MYRFL: variants seen among roughly 807,000 people sequenced by gnomAD.
The protein encoded by MYRFL is myelin regulatory factor like.
A neutral mutation model predicts 109.4 loss-of-function variants in MYRFL; 88 were observed. The observed-to-expected ratio is 0.80, with a 90% confidence interval of 0.68 to 0.96. MYRFL has a LOEUF of 0.96. Among genes scored for constraint, MYRFL ranks in the 40% least tolerant of loss-of-function variants. MYRFL has a pLI of 0.00. For synonymous variants in MYRFL, 324 were observed against 320.9 expected (o/e 1.01, Z -0.10); for missense variants, 957 against 954.9 (o/e 1.00, Z -0.03).
At chr12:69,947,265 C>A (rs1955862271) in intron 19 of MYRFL, among the ~76,000 whole-genome samples, 1 of 152,102 alleles carries the variant, frequency 6.6e-6, no homozygotes, top group Non-Finnish European at 1.5e-5. Flanking sequence ...GTTTACTAAA[C>A]CCCTAAACAC....
intron 16 of MYRFL, among the ~76,000 whole-genome samples, chr12:69,935,150 A>C (rs1240543194): frequency 6.6e-6 from 1 of 152,120 alleles, no homozygotes; most frequent in East Asian, 1.9e-4. Context: ...GCTGCTGAGA[A>C]CACTTTGGGA....
chr12:69,896,127 G>C (rs1283472593), intron 9 of MYRFL, among the ~76,000 whole-genome samples: 1 of 152,154 alleles, frequency 6.6e-6, no homozygotes, highest in Non-Finnish European at 1.5e-5. Context: ...TTGACTATTT[G>C]ATACTGGCAT....
chr12:69,885,898 TG>T lies in MYRFL; in HGVS notation c.557-921del, dbSNP rs147801804. On this transcript the variant is annotated intron_variant, in intron 5 of 24. Transcript: ENST00000552032. ...TCTCTCTGCTTGTGTAATGCTGTAATGTGTAAAGATGGCAGGATACATGTTT... is the reference window on the plus strand; with the variant it reads ...TCTCTCTGCTTGTGTAATGCTGTAATTGTAAAGATGGCAGGATACATGTTT... Among the ~76,000 whole-genome samples, 724 of 152,208 alleles carry T rather than the reference TG, an allele frequency of 4.8e-3. 5 individuals are homozygous for T. Among genetic ancestry groups the T allele is most frequent in the African/African-American group, 0.016 (679 of 41,526 alleles).
Position 69,910,865 on chromosome 12 carries a change from A to G in MYRFL, c.1537A>G (p.Arg513Gly). ...EVQEILPRAV[R>G]EVGDVTCGNG... ...GCAAGAAATCCTGCCCAGAGCAGTAAGAGAGGTTGGTGATGTCACCTGCGG... is the reference window on the plus strand; with the variant it reads ...GCAAGAAATCCTGCCCAGAGCAGTAGGAGAGGTTGGTGATGTCACCTGCGG... The change falls in exon 13 of 25, where the codon AGA (arginine) becomes GGA (glycine). Residue 513 changes from arginine (R) to glycine (G), a missense_variant. Coordinates refer to ENST00000552032, the MANE Select transcript of MYRFL (RefSeq NM_182530.3). 1 of 1,535,368 alleles carries G rather than the reference A, an allele frequency of 6.5e-7. No individual in the cohort carries two copies.
At chr12:69,897,699 A>G (rs1463759976) in intron 10 of MYRFL, among the ~76,000 whole-genome samples, 2 of 152,238 alleles carry the variant, frequency 1.3e-5, no homozygotes, top group African/African-American at 4.8e-5. Flanking sequence ...GAGGCTTAAG[A>G]GACTAAGTAA....
chr12:69,871,624 TGG>T (rs1885362288), intron 2 of MYRFL, among the ~76,000 whole-genome samples: 1 of 152,220 alleles, frequency 6.6e-6, no homozygotes, highest in South Asian at 2.1e-4. Context: ...TATAATCTTC[TGG>T]GAAGATTTAA....
intron 19 of MYRFL, among the ~76,000 whole-genome samples, 161 bp from the exon 20 acceptor site, chr12:69,951,952 T>G (rs1257251479): frequency 6.6e-6 from 1 of 152,148 alleles, no homozygotes; most frequent in Non-Finnish European, 1.5e-5. Context: ...GAGAATAAAC[T>G]AGATCTATAA....
chr12:69,910,832 C>A lies in MYRFL; in HGVS notation c.1504C>A (p.Gln502Lys). The change falls in exon 13 of 25, where the codon CAG becomes AAG. Residue 502 changes from glutamine (Q) to lysine (K), a missense_variant. Transcript: ENST00000552032. ...NTAHQTGMIA[Q>K]EVQEILPRAV... is the part of the protein sequence containing the mutation. ...TGTTTTGTATACAGGAATGATTGCC[C>A]AGGAGGTGCAAGAAATCCTGCCCAG... is the stretch of plus-strand genomic sequence containing the variant. 1 of 1,534,534 alleles carries A rather than the reference C, an allele frequency of 6.5e-7. No individual in the cohort carries two copies. The highest frequency in any genetic ancestry group is 1.2e-5 in the South Asian group (1 of 84,008).
Position 69,895,323 on chromosome 12 carries a change from G to A in MYRFL, c.981-48G>A. On this transcript the variant is annotated intron_variant, in intron 8 of 24. Coordinates refer to ENST00000552032, the MANE Select transcript of MYRFL (RefSeq NM_182530.3). ...TGGATTAGATATGATCAGAGATTTG[G>A]TGTTCTCTTATAGTCTCTTGGTTTT... 2.3e-6 allele frequency: 3 copies of A among 1,317,264 alleles called. No homozygotes were observed. The South Asian group carries it at 3.9e-5, about 17-fold the overall frequency. 81.6% of individuals were successfully genotyped at this position (1,317,264 alleles called of 1,614,324 possible).
chr12:69,875,938 A>G (rs1053714208), intron 2 of MYRFL, among the ~76,000 whole-genome samples: 5 of 152,174 alleles, frequency 3.3e-5, no homozygotes, highest in African/African-American at 7.2e-5. Context: ...TTAGTAGTCA[A>G]TCACTTTGCT....
chr12:69,892,253 G>C (rs557267754), intron 7 of MYRFL, among the ~76,000 whole-genome samples: 5 of 152,206 alleles, frequency 3.3e-5, no homozygotes, highest in Non-Finnish European at 7.4e-5. Context: ...GGCCAATAAG[G>C]TTACACAATT....
At chr12:69,901,322 G>A (rs182301980) in intron 10 of MYRFL, among the ~76,000 whole-genome samples, 9 of 152,328 alleles carry the variant, frequency 5.9e-5, no homozygotes, top group Non-Finnish European at 1.3e-4. Flanking sequence ...CATGAAGGTT[G>A]TGGATTCCAG....
At chr12:69,939,908 G>A (rs1292252756) in intron 19 of MYRFL, among the ~76,000 whole-genome samples, 15 of 150,218 alleles carry the variant, frequency 1.0e-4, no homozygotes, top group East Asian at 2.0e-4. Context: ...AGAAGCCTCA[G>A]GAGCCGATGC....
At chr12:69,895,585 C>A in intron 9 of MYRFL, 104 bp downstream of exon 9, 2 of 798,168 alleles carry the variant, frequency 2.5e-6, no homozygotes, top group Non-Finnish European at 4.0e-6. Context: ...CCAGCCAGAA[C>A]ACAGGGCCTC....
intron 13 of MYRFL, among the ~76,000 whole-genome samples, chr12:69,920,747 G>A (rs1954886550): frequency 6.6e-6 from 1 of 152,198 alleles, no homozygotes; most frequent in African/African-American, 2.4e-5. Context: ...GAAGAGGGCT[G>A]TAGTGAAAGA....
At chr12:69,825,808 A>G (rs1882239805) in intron 1 of MYRFL, among the ~76,000 whole-genome samples, 2 of 152,132 alleles carry the variant, frequency 1.3e-5, no homozygotes, top group South Asian at 4.1e-4. Context: ...TCAAGGGGTC[A>G]GCATATTTAT....
At chr12:69,870,358 C>T (rs905530251) in intron 2 of MYRFL, among the ~76,000 whole-genome samples, 1 of 151,216 alleles carries the variant, frequency 6.6e-6, no homozygotes, top group Admixed American at 6.6e-5. Flanking sequence ...ATTTTTACAA[C>T]TCTTTCCTGC....
intron 16 of MYRFL, among the ~76,000 whole-genome samples, chr12:69,934,316 T>C (rs1178092100): frequency 6.6e-6 from 1 of 152,228 alleles, no homozygotes; most frequent in East Asian, 1.9e-4. Flanking sequence ...GCAGGGCTCA[T>C]GGCCAGTCCA....
chr12:69,891,255 A>G, intron 7 of MYRFL, 89 bp downstream of exon 7: 1 of 994,172 alleles, frequency 1.0e-6, no homozygotes, highest in Non-Finnish European at 1.4e-6. Context: ...TCCCAAAATG[A>G]CTTAAAATAA....
Sources: gnomAD v4.1 joint callset for allele counts (sites outside exome capture counted in the v4.1 genomes callset) on GRCh38, gnomAD v4.1.1 for gene constraint, MANE v1.5 for transcripts, NCBI Gene and HGNC (gene_info 2026-07-23, HGNC 2026-07-21) for gene names.